The following PIP4K2A variants were observed in gnomAD, a reference collection of about 807,000 sequenced individuals.
PIP4K2A encodes phosphatidylinositol 5-phosphate 4-kinase type-2 alpha.
Under a neutral mutation model 42.9 loss-of-function variants are expected in PIP4K2A, and 14 were observed. That is an observed-to-expected ratio of 0.33 (90% confidence interval 0.22 to 0.51). The LOEUF (loss-of-function observed/expected upper bound fraction) is 0.51. PIP4K2A is among the 20% of genes least tolerant of loss of function. The pLI is 0.97. For missense variants in PIP4K2A, 434 were observed against 519.8 expected, an observed-to-expected ratio of 0.83 and a Z score of 1.61; for synonymous variants, 192 against 192.2, an observed-to-expected ratio of 1.00 and a Z score of 0.01.
At chr10:22,697,954 T>C (rs561744823) in intron 1 of PIP4K2A, among the ~76,000 whole-genome samples, 4 of 152,330 alleles carry the variant, frequency 2.6e-5, no homozygotes, top group African/African-American at 7.2e-5. Flanking sequence ...TTAAATGCTA[T>C]TGGATTGAGT....
chr10:22,674,577 C>T (rs566020012), intron 1 of PIP4K2A, among the ~76,000 whole-genome samples: 1 of 152,132 alleles, frequency 6.6e-6, no homozygotes, highest in African/African-American at 2.4e-5. Flanking sequence ...CTTTAGCTGA[C>T]AATAGGTAGA....
intron 9 of PIP4K2A, among the ~76,000 whole-genome samples, chr10:22,539,052 G>A (rs1206370130): frequency 6.6e-6 from 1 of 152,116 alleles, no homozygotes; most frequent in East Asian, 1.9e-4. Context: ...GTGTGGGGTG[G>A]GCTCTATGGC....
chr10:22,593,682 G>T (rs983318286), intron 3 of PIP4K2A, among the ~76,000 whole-genome samples: 3 of 152,168 alleles, frequency 2.0e-5, no homozygotes, highest in Non-Finnish European at 4.4e-5. Flanking sequence ...TCACTAATTT[G>T]CAAAAGGGTA....
At position 22,536,276 on chromosome 10, in the gene PIP4K2A, C is replaced by T. The variant is rs1835916156; in HGVS notation, c.*925G>A. 5.0e-6 allele frequency: 2 copies of T among 396,158 alleles called. No individual in the cohort carries two copies. Among genetic ancestry groups the T allele is most frequent in the Admixed American group, 8.8e-5 (2 of 22,652 alleles). 24.5% of individuals were successfully genotyped at this position (396,158 alleles called of 1,614,324 possible). A position where few individuals can be genotyped will look rare whatever the true frequency, so the allele number is the denominator to read the frequency against. Reference sequence around the variant, plus strand: ...AGTGGGAGATGTAGATACCATTGCCCCAAACTATGCACTTTTCAGGTAAGC... The same window carrying T: ...AGTGGGAGATGTAGATACCATTGCCTCAAACTATGCACTTTTCAGGTAAGC... On this transcript the variant is annotated 3_prime_UTR_variant, in exon 10 of 10. Transcript: ENST00000376573.
intron 1 of PIP4K2A, among the ~76,000 whole-genome samples, chr10:22,618,061 C>A (rs1051798017): frequency 2.0e-5 from 3 of 152,136 alleles, no homozygotes; most frequent in Admixed American, 6.5e-5. Context: ...GGAAATCAAA[C>A]AATAAATATG....
chr10:22,558,590 AT>A (rs1246702531), intron 6 of PIP4K2A, among the ~76,000 whole-genome samples: 1 of 152,244 alleles, frequency 6.6e-6, no homozygotes. Flanking sequence ...AATAGTACAT[AT>A]GCCAACCTCC....
chr10:22,580,101 G>A (rs1004568742), intron 4 of PIP4K2A, among the ~76,000 whole-genome samples: 50 of 151,858 alleles, frequency 3.3e-4, no homozygotes, highest in Admixed American at 5.2e-4. Flanking sequence ...CCTGATATGT[G>A]CCCCAAATGC....
chr10:22,686,309 AC>A (rs1340595700), intron 1 of PIP4K2A, among the ~76,000 whole-genome samples: 1 of 152,110 alleles, frequency 6.6e-6, no homozygotes. Context: ...TCTTAACTAA[AC>A]CCCACAAACC....
chr10:22,568,907 C>G, intron 5 of PIP4K2A: 1 of 818,374 alleles, frequency 1.2e-6, no homozygotes, highest in Non-Finnish European at 2.0e-6. Flanking sequence ...ACTGGACACC[C>G]CTAACTATCG....
chr10:22,632,436 G>A (rs1347775395), intron 1 of PIP4K2A, among the ~76,000 whole-genome samples: 1 of 152,152 alleles, frequency 6.6e-6, no homozygotes, highest in African/African-American at 2.4e-5. Flanking sequence ...AGTATAGTAT[G>A]TACAACATTG....
chr10:22,696,088 T>G (rs892011883), intron 1 of PIP4K2A, among the ~76,000 whole-genome samples: 36 of 152,328 alleles, frequency 2.4e-4, no homozygotes, highest in African/African-American at 8.7e-4. Context: ...GGACATAATA[T>G]TTTAAAACCA....
chr10:22,706,771 G>A (rs1052548418), intron 1 of PIP4K2A, among the ~76,000 whole-genome samples: 4 of 152,106 alleles, frequency 2.6e-5, no homozygotes, highest in African/African-American at 4.8e-5. Flanking sequence ...GAACCTAATC[G>A]CTAGTGGAAG....
intron 1 of PIP4K2A, among the ~76,000 whole-genome samples, chr10:22,644,817 C>T (rs1838848557): frequency 6.6e-6 from 1 of 152,128 alleles, no homozygotes; most frequent in African/African-American, 2.4e-5. Context: ...GTGGACAGGC[C>T]ATAAATATTC....
At chr10:22,645,699 T>C (rs937373906) in intron 1 of PIP4K2A, among the ~76,000 whole-genome samples, 8 of 151,532 alleles carry the variant, frequency 5.3e-5, no homozygotes, top group African/African-American at 1.9e-4. Context: ...TTTTTTTTTT[T>C]TTCTGAGACA....
At chr10:22,589,940 C>T (rs1837475450) in intron 4 of PIP4K2A, among the ~76,000 whole-genome samples, 3 of 152,196 alleles carry the variant, frequency 2.0e-5, no homozygotes, top group Admixed American at 1.3e-4. Context: ...AAAATGCTTA[C>T]GTTGAAACCC....
intron 1 of PIP4K2A, among the ~76,000 whole-genome samples, chr10:22,662,480 G>A (rs144568786): frequency 7.5e-4 from 114 of 152,264 alleles, no homozygotes; most frequent in African/African-American, 2.6e-3. Flanking sequence ...ATATTTGTGC[G>A]TACGACAATA....
intron 6 of PIP4K2A, among the ~76,000 whole-genome samples, chr10:22,558,905 A>G (rs962533511): frequency 1.3e-5 from 2 of 152,186 alleles, no homozygotes; most frequent in Non-Finnish European, 2.9e-5. Flanking sequence ...CCCTCAAGCT[A>G]ATACGTAAAA....
At chr10:22,541,131 G>A (rs1038577506) in intron 8 of PIP4K2A, among the ~76,000 whole-genome samples, 1 of 152,146 alleles carries the variant, frequency 6.6e-6, no homozygotes, top group Non-Finnish European at 1.5e-5. Flanking sequence ...CAAATAACTG[G>A]TGCACCCAAT....
At chr10:22,668,481 T>TA (rs1839391549) in intron 1 of PIP4K2A, among the ~76,000 whole-genome samples, 1 of 152,190 alleles carries the variant, frequency 6.6e-6, no homozygotes, top group Non-Finnish European at 1.5e-5. Flanking sequence ...TGGATCATAT[T>TA]GAAATATCAT....
Sources: allele counts gnomAD v4.1 joint callset (sites outside exome capture counted in the v4.1 genomes callset), GRCh38; gene constraint gnomAD v4.1.1; transcripts MANE v1.5; gene names NCBI Gene and HGNC (gene_info 2026-07-23, HGNC 2026-07-21).